The following GCNA variants were observed in gnomAD, a reference collection of about 807,000 sequenced individuals.
The protein encoded by GCNA is germ cell nuclear acidic peptidase.
A neutral mutation model predicts 38.8 loss-of-function variants in GCNA; 3 were observed. The ratio of observed to expected loss-of-function variants is 0.08; its 90% CI spans 0.04 to 0.20. The LOEUF (loss-of-function observed/expected upper bound fraction) is 0.20, where lower values mean the gene tolerates loss of function less well. GCNA is among the 10% of genes least tolerant of loss of function. The probability of loss-of-function intolerance (pLI) is 1.00; values close to 1 mark genes in which losing one functional copy is unlikely to be tolerated. For missense variants in GCNA, 446 were observed against 578.6 expected (o/e 0.77, Z 2.35); for synonymous variants, 195 against 240.2 (o/e 0.81, Z 1.74).
At chrX:71,583,343 G>T (rs1005613143) in intron 2 of GCNA, among the ~76,000 whole-genome samples, 2 of 110,805 alleles carry the variant, frequency 1.8e-5, no homozygotes, top group Non-Finnish European at 3.8e-5. Flanking sequence ...GGTAGGGGGT[G>T]GGGTGGCTCA....
At chrX:71,579,766 T>G (rs1602164308) in intron 1 of GCNA, among the ~76,000 whole-genome samples, 2 of 87,545 alleles carry the variant, frequency 2.3e-5, no homozygotes, top group African/African-American at 8.9e-5. Context: ...TGGCTGGAGG[T>G]GGTTGGAGGT....
At chrX:71,605,464 G>T (rs2040761676) in intron 8 of GCNA, among the ~76,000 whole-genome samples, 199 bp from the exon 9 acceptor site, 1 of 112,804 alleles carries the variant, frequency 8.9e-6, no homozygotes, top group Non-Finnish European at 1.9e-5. Context: ...AGCTCATGCT[G>T]CTGGCAGCTC....
At chrX:71,608,432 C>T (rs1240960717) in intron 9 of GCNA, among the ~76,000 whole-genome samples, 1 of 111,034 alleles carries the variant, frequency 9.0e-6, no homozygotes, top group African/African-American at 3.3e-5. Flanking sequence ...ACCATCACGC[C>T]CAGCTAATTT....
chrX:71,594,896 C>T, intron 6 of GCNA, 117 bp downstream of exon 6: 1 of 389,935 alleles, frequency 2.6e-6, no homozygotes, highest in Non-Finnish European at 4.5e-6. Context: ...CCTCTGTGGA[C>T]ACTCTGTGGT....
intron 2 of GCNA, among the ~76,000 whole-genome samples, chrX:71,581,540 G>A (rs931591408): frequency 4.9e-4 from 55 of 111,935 alleles, no homozygotes; most frequent in African/African-American, 1.8e-3. Context: ...ATAGACCTAA[G>A]TACATAAGAA....
chrX:71,606,740 T>G (rs1279198449), intron 9 of GCNA, among the ~76,000 whole-genome samples: 2 of 111,805 alleles, frequency 1.8e-5, no homozygotes, highest in Non-Finnish European at 3.8e-5. Flanking sequence ...CCAAGTACTC[T>G]CTTAGCTGGA....
chrX:71,595,385 C>T lies in GCNA; in HGVS notation c.221+606C>T, dbSNP rs747395724. On this transcript the variant is annotated intron_variant, in intron 6 of 12. Coordinates refer to ENST00000373696, the MANE Select transcript of GCNA (RefSeq NM_052957.5). ...TTCTGGGATTACAGGTGTGAGCCAC[C>T]GTGCCCAGCTTGTTTCTTCTTTTTA... 3.6e-5 allele frequency among the ~76,000 whole-genome samples: 4 copies of T among 111,909 alleles called. No homozygotes were observed. In the Admixed American group the frequency reaches 3.8e-4, roughly 11 times the overall value.
rs553375425 is a variant in GCNA at position 71,607,503 on chromosome X, G to C, written c.1467-1470G>C. On this transcript the variant is annotated intron_variant, in intron 9 of 12. Transcript: ENST00000373696. ...GGCTCATCTCTGGACTTAGTGGACT[G>C]TTCCAGCTAAGATAAAAATGCTTCT... Among the ~76,000 whole-genome samples the C allele has an allele frequency of 1.2e-4, 13 of 112,650 alleles. No homozygotes were observed. The South Asian group carries it at 4.7e-3, about 41-fold the overall frequency.
In GCNA at chrX:71,612,992, G is replaced by A. The variant is rs767288137; in HGVS notation, c.*10G>A. 2.5e-6 allele frequency: 3 copies of A among 1,211,077 alleles called. No individual in the cohort carries two copies. The Admixed American group carries it at 6.5e-5, about 26-fold the overall frequency. ...TGTGCCCCACGTGTGACCATTTGCT[G>A]TGTATGTGCAGAAGTATTATAGAAA... On this transcript the variant is annotated 3_prime_UTR_variant, in exon 13 of 13. Coordinates refer to ENST00000373696, the MANE Select transcript of GCNA (RefSeq NM_052957.5).
intron 2 of GCNA, among the ~76,000 whole-genome samples, chrX:71,586,376 G>A (rs1194495734): frequency 1.8e-5 from 2 of 111,252 alleles, no homozygotes; most frequent in African/African-American, 6.5e-5. Context: ...CTTTCATGGA[G>A]GAGGTACATA....
At chrX:71,599,272 T>C (rs1037300337) in intron 7 of GCNA, among the ~76,000 whole-genome samples, 2 of 111,696 alleles carry the variant, frequency 1.8e-5, no homozygotes, top group Admixed American at 9.5e-5. Context: ...AGTCTCCTAT[T>C]GTTCTACCAC....
At position 71,599,508 on chromosome X, in the gene GCNA, C is replaced by A. The variant is rs747372030; in HGVS notation, c.310+1470C>A. Reference sequence around the variant, plus strand: ...CTTTACTCCTTAAATCAGAAGAGACCGATTCTTTTGAGGGTGAACTTTTAG... The same window carrying A: ...CTTTACTCCTTAAATCAGAAGAGACAGATTCTTTTGAGGGTGAACTTTTAG... On this transcript the variant is annotated intron_variant, in intron 7 of 12. Coordinates refer to ENST00000373696, the MANE Select transcript of GCNA (RefSeq NM_052957.5). 7.1e-5 allele frequency among the ~76,000 whole-genome samples: 8 copies of A among 111,929 alleles called. No individual in the cohort carries two copies. In the South Asian group the frequency reaches 1.5e-3, roughly 21 times the overall value.
chrX:71,612,409 T>C lies in GCNA; in HGVS notation c.1805T>C (p.Ile602Thr). The C allele has an allele frequency of 8.3e-7, 1 of 1,207,522 alleles. No homozygotes were observed. Among genetic ancestry groups the C allele is most frequent in the Non-Finnish European group, 1.1e-6 (1 of 893,446 alleles). ...ATGTGCCATGCTGCCTCCTGGCTGA[T>C]TGATGGTATCCATGATTCTCATGGT... is the stretch of plus-strand genomic sequence containing the variant. ...HEMCHAASWL[I>T]DGIHDSHGDA... Residue 602 changes from isoleucine (I) to threonine (T), a missense_variant, in exon 12 of 13, where the codon ATT (isoleucine) becomes ACT (threonine). Ile to Thr is a moderately conservative substitution (Grantham distance 89, BLOSUM62 -1). Coordinates refer to ENST00000373696, the MANE Select transcript of GCNA (RefSeq NM_052957.5).
chrX:71,580,447 C>CT (rs995690661), intron 1 of GCNA: 76 of 113,432 alleles, frequency 6.7e-4, no homozygotes, highest in South Asian at 2.0e-3. Context: ...TTCTGGCTTT[C>CT]TTTTTTTTTT....
chrX:71,605,949 G>A (rs1052409755), intron 9 of GCNA, among the ~76,000 whole-genome samples: 2 of 112,303 alleles, frequency 1.8e-5, no homozygotes, highest in African/African-American at 6.5e-5. Context: ...TCTGAGGCTG[G>A]GCATGGGCTC....
At chrX:71,603,451 C>A in intron 7 of GCNA, 137 bp from the exon 8 acceptor site, 1 of 937,653 alleles carries the variant, frequency 1.1e-6, no homozygotes, top group African/African-American at 2.0e-5. Context: ...TTTAAAATAA[C>A]CGATTCTTAA....
intron 2 of GCNA, among the ~76,000 whole-genome samples, chrX:71,591,871 C>T (rs1293498690): frequency 3.9e-4 from 44 of 112,161 alleles, no homozygotes; most frequent in African/African-American, 9.1e-4. Context: ...TGATAGCTAG[C>T]GATAACTCAT....
intron 8 of GCNA, 47 bp downstream of exon 8, chrX:71,604,723 C>T (rs2040755294): frequency 8.4e-7 from 1 of 1,192,051 alleles, no homozygotes; most frequent in African/African-American, 1.8e-5. Context: ...ATGTGCCTTG[C>T]CTGCCAAATG....
intron 9 of GCNA, among the ~76,000 whole-genome samples, chrX:71,606,840 G>C (rs1212046904): frequency 2.7e-5 from 3 of 112,101 alleles, no homozygotes; most frequent in East Asian, 2.8e-4. Flanking sequence ...GTAACTCCCA[G>C]GTTACTTTGC....
Sources: gnomAD v4.1 joint callset for allele counts (sites outside exome capture counted in the v4.1 genomes callset) on GRCh38, gnomAD v4.1.1 for gene constraint, MANE v1.5 for transcripts, NCBI Gene and HGNC (gene_info 2026-07-23, HGNC 2026-07-21) for gene names.